Variants in CRACD observed in about 807,000 individuals in gnomAD.
CRACD encodes capping protein inhibiting regulator of actin dynamics.
CRACD carries 56 observed loss-of-function variants against 106.8 expected under a neutral mutation model. That is an observed-to-expected ratio of 0.52 (90% CI 0.42 to 0.66). The LOEUF is 0.66. Ranked by LOEUF, CRACD falls within the 30% of genes least tolerant of loss-of-function variation. The pLI, the probability that CRACD is intolerant of heterozygous loss-of-function variation, is 0.00. For synonymous variants in CRACD, 754 were observed against 670.8 expected, an observed-to-expected ratio of 1.12 and a Z score of -1.92; for missense variants, 1,730 against 1,623.2, an observed-to-expected ratio of 1.07 and a Z score of -1.13.
chr4:56,120,922 C>T lies in CRACD; in HGVS notation c.-335-58362C>T, dbSNP rs111639301. Among the ~76,000 whole-genome samples the T allele has an allele frequency of 5.0e-3, 768 of 152,260 alleles. 5 individuals carry two copies. The highest frequency in any genetic ancestry group is 0.015 in the Admixed American group (225 of 15,300). On this transcript the variant is annotated intron_variant, in intron 1 of 10. Transcript: ENST00000682029. ...ACGGAATAACAGAGGTTTGTCAGTTCTTGCATTTCACATATAGAACACAGC... is the reference window on the plus strand; with the variant it reads ...ACGGAATAACAGAGGTTTGTCAGTTTTTGCATTTCACATATAGAACACAGC...
At chr4:56,288,351 C>A (rs493228) in intron 3 of CRACD, 152,831 of 269,248 alleles carry the variant, frequency 0.57, 44,949 homozygotes, top group Middle Eastern at 0.7. Context: ...CAGATAGTGA[C>A]GAAAGTACCC....
chr4:56,096,267 G>C (rs1438735147), intron 1 of CRACD, among the ~76,000 whole-genome samples: 1 of 152,176 alleles, frequency 6.6e-6, no homozygotes, highest in Non-Finnish European at 1.5e-5. Context: ...CAGAGAGCAA[G>C]AATCAATTGC....
At position 56,316,192 on chromosome 4, in the gene CRACD, G is replaced by C; in HGVS notation, c.2690G>C (p.Gly897Ala). The C allele has an allele frequency of 6.2e-7, 1 of 1,614,160 alleles. No homozygotes were observed. The change falls in exon 8 of 11, where the codon GGT (glycine) becomes GCT (alanine). Residue 897 changes from glycine to alanine, a missense_variant. Transcript: ENST00000682029. ...GCTCGTGGAGAGAAAGAGATGGAGG[G>C]TGTGGCCCTCAAGCATGGTCCATCC... is the stretch of plus-strand genomic sequence containing the variant. ...GSARGEKEME[G>A]VALKHGPSLP...
At chr4:56,198,985 G>A (rs984867555) in intron 2 of CRACD, among the ~76,000 whole-genome samples, 1 of 151,978 alleles carries the variant, frequency 6.6e-6, no homozygotes, top group African/African-American at 2.4e-5. Flanking sequence ...CAGCTTCTGG[G>A]TTTTTGTTTA....
intron 1 of CRACD, among the ~76,000 whole-genome samples, chr4:56,164,586 A>G (rs1301985555): frequency 6.6e-6 from 1 of 152,216 alleles, no homozygotes; most frequent in Non-Finnish European, 1.5e-5. Flanking sequence ...GATTTCATGT[A>G]TATGACATTT....
chr4:56,327,939 T>C lies in CRACD; in HGVS notation c.*135T>C, dbSNP rs1303553070. The C allele has an allele frequency of 1.0e-5, 8 of 775,182 alleles. No individual in the cohort carries two copies. In the African/African-American group the frequency reaches 1.4e-4, roughly 14 times the overall value. 48.0% of individuals were successfully genotyped at this position (775,182 alleles called of 1,614,324 possible). A position where few individuals can be genotyped will look rare whatever the true frequency, so the allele number is the denominator to read the frequency against. On this transcript the variant is annotated 3_prime_UTR_variant, in exon 11 of 11. Transcript: ENST00000682029. The stretch of plus-strand genomic sequence containing the variant: ...GTTTTATAGGCTCCAAAATAATGTT[T>C]AGAAACTGAACTGGTGGTGTTCATT...
chr4:56,207,089 G>T (rs1036224600), intron 2 of CRACD, among the ~76,000 whole-genome samples: 1 of 152,122 alleles, frequency 6.6e-6, no homozygotes, highest in African/African-American at 2.4e-5. Flanking sequence ...ATCAAAGAAT[G>T]AGCTAGATAA....
intron 3 of CRACD, among the ~76,000 whole-genome samples, chr4:56,291,403 C>T (rs1404731634): frequency 1.3e-5 from 2 of 152,172 alleles, no homozygotes; most frequent in African/African-American, 2.4e-5. Context: ...TGGTTAAGGA[C>T]CATGGTTCCA....
At chr4:56,182,650 T>C (rs936653819) in intron 2 of CRACD, among the ~76,000 whole-genome samples, 1 of 152,130 alleles carries the variant, frequency 6.6e-6, no homozygotes, top group Non-Finnish European at 1.5e-5. Context: ...TCCAAATTGC[T>C]TAACTCCAAG....
At position 56,101,019 on chromosome 4, in the gene CRACD, AC is replaced by A. The variant is rs1402061095; in HGVS notation, c.-336+51725del. ...TTAGTCCCTCTATTGCCAGTGCCAGACCCCCAGTTGAGGTGGGGAGGCAGTA... is the reference window on the plus strand; with the variant it reads ...TTAGTCCCTCTATTGCCAGTGCCAGACCCCAGTTGAGGTGGGGAGGCAGTA... On this transcript the variant is annotated intron_variant, in intron 1 of 10. Transcript: ENST00000682029. Among the ~76,000 whole-genome samples the A allele has an allele frequency of 2.1e-4, 32 of 152,174 alleles. No homozygotes were observed. The East Asian group carries it at 3.5e-3, about 17-fold the overall frequency.
intron 1 of CRACD, among the ~76,000 whole-genome samples, chr4:56,162,199 A>AT (rs1340796982): frequency 1.5e-4 from 23 of 148,496 alleles, no homozygotes; most frequent in East Asian, 8.0e-4. Flanking sequence ...AAAAATTATT[A>AT]TTATTTTTTT....
At chr4:56,204,138 G>T (rs1476883821) in intron 2 of CRACD, among the ~76,000 whole-genome samples, 1 of 152,328 alleles carries the variant, frequency 6.6e-6, no homozygotes, top group South Asian at 2.1e-4. Flanking sequence ...GCATCCTCAT[G>T]CAGGGAACAG....
At chr4:56,071,586 T>A (rs1732648985) in intron 1 of CRACD, among the ~76,000 whole-genome samples, 1 of 151,586 alleles carries the variant, frequency 6.6e-6, no homozygotes, top group African/African-American at 2.4e-5. Context: ...AGCAGCTCCC[T>A]GCAACCTTTG....
chr4:56,311,990 T>C (rs1745187899), intron 6 of CRACD, among the ~76,000 whole-genome samples: 1 of 152,166 alleles, frequency 6.6e-6, no homozygotes, highest in Admixed American at 6.5e-5. Flanking sequence ...TGTTTTTTTT[T>C]AGTGATTGCA....
Position 56,227,650 on chromosome 4 carries a change from G to A in CRACD, c.-188-44671G>A, listed in dbSNP as rs142151067. ...GCTGCAGCTGTTCAACTCCATCTTC[G>A]CAGTGCACAGATAGCCACAGGCAGG... On this transcript the variant is annotated intron_variant, in intron 2 of 10. Transcript: ENST00000682029. 2.8e-4 allele frequency among the ~76,000 whole-genome samples: 43 copies of A among 152,260 alleles called. 1 individual carries two copies. Among genetic ancestry groups the A allele is most frequent in the Middle Eastern group, 3.4e-3 (1 of 294 alleles).
chr4:56,290,726 C>T (rs905644961), intron 3 of CRACD, among the ~76,000 whole-genome samples: 2 of 152,178 alleles, frequency 1.3e-5, no homozygotes, highest in African/African-American at 4.8e-5. Context: ...GTTAAAACAT[C>T]TCAGCCATGC....
chr4:56,307,840 T>A, intron 5 of CRACD, 141 bp downstream of exon 5: 2 of 763,762 alleles, frequency 2.6e-6, no homozygotes, highest in Non-Finnish European at 2.1e-6. Context: ...GGGCACTTCC[T>A]GGTAGGTGTC....
chr4:56,218,156 ACT>A (rs1331923848), intron 2 of CRACD, among the ~76,000 whole-genome samples: 2 of 152,166 alleles, frequency 1.3e-5, no homozygotes, highest in African/African-American at 2.4e-5. Context: ...CTAAAAAGAC[ACT>A]GTCTTCAAAT....
At chr4:56,117,715 A>T (rs1187202781) in intron 1 of CRACD, among the ~76,000 whole-genome samples, 1 of 152,214 alleles carries the variant, frequency 6.6e-6, no homozygotes, top group Admixed American at 6.5e-5. Flanking sequence ...TAATACAAAA[A>T]TTGGGCAAAA....
Sources: gnomAD v4.1 joint callset for allele counts (sites outside exome capture counted in the v4.1 genomes callset) on GRCh38, gnomAD v4.1.1 for gene constraint, MANE v1.5 for transcripts, NCBI Gene and HGNC (gene_info 2026-07-23, HGNC 2026-07-21) for gene names.